PLXNA4: variants seen among roughly 807,000 people sequenced by gnomAD.
The protein encoded by PLXNA4 is plexin-A4.
Under a neutral mutation model 191.8 loss-of-function variants are expected in PLXNA4, and 44 were observed. The observed-to-expected ratio is 0.23, with a 90% CI of 0.18 to 0.29. PLXNA4 has a LOEUF of 0.29. Ranked by LOEUF, PLXNA4 falls within the 10% of genes least tolerant of loss-of-function variation. The pLI is 1.00. For synonymous variants in PLXNA4, 1,082 were observed against 1,009.5 expected (o/e 1.07, Z -1.36); for missense variants, 1,800 against 2,488.8 (o/e 0.72, Z 5.89).
intron 3 of PLXNA4, among the ~76,000 whole-genome samples, chr7:132,369,581 C>T (rs1324793980): frequency 6.6e-6 from 1 of 152,030 alleles, no homozygotes; most frequent in East Asian, 1.9e-4. Flanking sequence ...AGAGAGGGCA[C>T]CGACCATCTG....
chr7:132,443,007 C>T (rs1457621509), intron 3 of PLXNA4, among the ~76,000 whole-genome samples: 1 of 152,196 alleles, frequency 6.6e-6, no homozygotes, highest in Non-Finnish European at 1.5e-5. Context: ...CACCAGCTTC[C>T]ATCTGAACAC....
At chr7:132,320,810 C>T (rs1177448273) in intron 3 of PLXNA4, among the ~76,000 whole-genome samples, 3 of 152,134 alleles carry the variant, frequency 2.0e-5, no homozygotes, top group East Asian at 1.9e-4. Context: ...TCTAGCCTTG[C>T]GCAGACCTAC....
At chr7:132,603,380 G>A (rs546782435) in intron 2 of PLXNA4, among the ~76,000 whole-genome samples, 19 of 152,254 alleles carry the variant, frequency 1.2e-4, no homozygotes, top group Middle Eastern at 6.8e-3. Flanking sequence ...CTATTCCTCC[G>A]TAAATCACTT....
At chr7:132,253,232 C>CTTT (rs56010775) in intron 4 of PLXNA4, among the ~76,000 whole-genome samples, 19 of 134,440 alleles carry the variant, frequency 1.4e-4, no homozygotes, top group Non-Finnish European at 2.1e-4. Context: ...TTTCTTTTTT[C>CTTT]TTTTTTTTTT....
chr7:132,460,384 A>AAAC lies in PLXNA4; in HGVS notation c.1371+28907_1371+28908insGTT, dbSNP rs539361615. 9.9e-5 allele frequency among the ~76,000 whole-genome samples: 15 copies of AAAC among 151,952 alleles called. No homozygotes were observed. In the East Asian group the frequency reaches 2.4e-3, roughly 24 times the overall value. ...TGTCTCAAAAAAAGAAAAAAAAAAA[A>AAAC]ACCTCAAATTGTAATTTCTCTAAAT... On this transcript the variant is annotated intron_variant, in intron 3 of 31. Transcript: ENST00000321063.
intron 5 of PLXNA4, among the ~76,000 whole-genome samples, chr7:132,231,374 T>C (rs890242399): frequency 1.3e-5 from 2 of 152,252 alleles, no homozygotes; most frequent in Admixed American, 1.3e-4. Flanking sequence ...CTGTAGCTGA[T>C]GCAGAACCAC....
chr7:132,140,523 G>T, intron 30 of PLXNA4, 76 bp downstream of exon 30: 1 of 1,555,184 alleles, frequency 6.4e-7, no homozygotes, highest in East Asian at 2.3e-5. Flanking sequence ...GTTTTTGATG[G>T]GGAGGGGACC....
At chr7:132,345,879 G>T (rs527536537) in intron 3 of PLXNA4, among the ~76,000 whole-genome samples, 9 of 152,184 alleles carry the variant, frequency 5.9e-5, no homozygotes, top group Admixed American at 1.3e-4. Context: ...CAGCACAGCC[G>T]TTCACATGAC....
Position 132,128,703 on chromosome 7 carries a change from G to A in PLXNA4, c.*1776C>T, listed in dbSNP as rs11772555. ...TCTTAAAAGTACCGGATGCTCCATG[G>A]ACTTTGCTGGAAATGGTGTGGTTTC... On this transcript the variant is annotated 3_prime_UTR_variant, in exon 32 of 32. Transcript: ENST00000321063. 85,729 of 152,258 alleles carry A rather than the reference G, an allele frequency of 0.56. 28,639 individuals carry two copies. The highest frequency in any genetic ancestry group is 0.83 in the East Asian group (4,278 of 5,174). The allele number at this position is 152,258 out of a possible 1,614,324, so 9.4% of individuals were successfully genotyped here. A position where few individuals can be genotyped will look rare whatever the true frequency, so the allele number is the denominator to read the frequency against.
chr7:132,455,454 C>T (rs10251267), intron 3 of PLXNA4, among the ~76,000 whole-genome samples: 120,590 of 151,804 alleles, frequency 0.79, 49,336 homozygotes, highest in East Asian at 1. Flanking sequence ...CACACACACA[C>T]GCAGAGTGAG....
chr7:132,329,540 C>T (rs1478987105), intron 3 of PLXNA4, among the ~76,000 whole-genome samples: 1 of 152,190 alleles, frequency 6.6e-6, no homozygotes, highest in Non-Finnish European at 1.5e-5. Context: ...TAAGCACCAG[C>T]CTTAATTGTG....
chr7:132,287,027 A>G (rs1800706743), intron 4 of PLXNA4, among the ~76,000 whole-genome samples: 1 of 152,108 alleles, frequency 6.6e-6, no homozygotes, highest in South Asian at 2.1e-4. Flanking sequence ...CCCTGCCCCT[A>G]ACAACGTTTT....
At chr7:132,570,337 A>T (rs1276624026) in intron 1 of PLXNA4, among the ~76,000 whole-genome samples, 1 of 152,160 alleles carries the variant, frequency 6.6e-6, no homozygotes, top group East Asian at 1.9e-4. Flanking sequence ...TCAGTTGCAC[A>T]TCCTGACGTC....
At chr7:132,391,643 T>C (rs1176495469) in intron 3 of PLXNA4, among the ~76,000 whole-genome samples, 10 of 151,994 alleles carry the variant, frequency 6.6e-5, no homozygotes. Context: ...GGGTGGACAG[T>C]GGGTTAGGGG....
intron 3 of PLXNA4, among the ~76,000 whole-genome samples, chr7:132,421,170 T>C (rs1478225671): frequency 6.6e-6 from 1 of 152,230 alleles, no homozygotes; most frequent in Non-Finnish European, 1.5e-5. Context: ...CCAGGTACTT[T>C]ATGTAGGTGG....
At chr7:132,320,641 A>G (rs1802124037) in intron 3 of PLXNA4, among the ~76,000 whole-genome samples, 1 of 151,874 alleles carries the variant, frequency 6.6e-6, no homozygotes. Context: ...TTCTCCAAGC[A>G]CTGAATGACC....
rs551444570 is a variant in PLXNA4 at position 132,346,427 on chromosome 7, C to T, written c.1372-48205G>A. Among the ~76,000 whole-genome samples the T allele has an allele frequency of 3.3e-5, 5 of 152,146 alleles. No individual in the cohort carries two copies. The South Asian group carries it at 8.3e-4, about 25-fold the overall frequency. ...GTAATGGAGGAAGCAAAAATAAAAC[C>T]CAGGTTTAGCAGGTTCCTTATCCAC... On this transcript the variant is annotated intron_variant, in intron 3 of 31. Transcript: ENST00000321063.
chr7:132,343,714 T>G (rs2116760525), intron 3 of PLXNA4, among the ~76,000 whole-genome samples: 1 of 151,558 alleles, frequency 6.6e-6, no homozygotes, highest in Non-Finnish European at 1.5e-5. Context: ...AGGTCAGGAG[T>G]TTGAGACCAG....
intron 20 of PLXNA4, among the ~76,000 whole-genome samples, chr7:132,178,608 T>C (rs969567264): frequency 4.6e-5 from 7 of 152,202 alleles, no homozygotes; most frequent in Admixed American, 1.3e-4. Flanking sequence ...ATAGGGACTA[T>C]AGAGTGAGAG....
Sources: allele counts gnomAD v4.1 joint callset (sites outside exome capture counted in the v4.1 genomes callset), GRCh38; gene constraint gnomAD v4.1.1; transcripts MANE v1.5; gene names NCBI Gene and HGNC (gene_info 2026-07-23, HGNC 2026-07-21).